Variants in CCNK observed in about 807,000 individuals in gnomAD.
The protein encoded by CCNK is cyclin-K.
A neutral mutation model predicts 65.0 loss-of-function variants in CCNK; 9 were observed. That is an observed-to-expected ratio of 0.14 (90% CI 0.08 to 0.24). The LOEUF (loss-of-function observed/expected upper bound fraction) is 0.24. Among genes scored for constraint, CCNK ranks in the 10% least tolerant of loss-of-function variants. The pLI, the probability that CCNK is intolerant of heterozygous loss-of-function variation, is 1.00. For synonymous variants in CCNK, 279 were observed against 270.8 expected, an observed-to-expected ratio of 1.03 and a Z score of -0.30; for missense variants, 474 against 720.0, an observed-to-expected ratio of 0.66 and a Z score of 3.91.
intron 1 of CCNK, among the ~76,000 whole-genome samples, chr14:99,481,786 G>A (rs968959579): frequency 6.6e-6 from 1 of 152,242 alleles, no homozygotes; most frequent in African/African-American, 2.4e-5. Flanking sequence ...AAAAGGGGCA[G>A]CGGTGTTAAC....
intron 4 of CCNK, among the ~76,000 whole-genome samples, chr14:99,499,673 G>A (rs1204736240): frequency 6.6e-6 from 1 of 152,150 alleles, no homozygotes; most frequent in Non-Finnish European, 1.5e-5. Flanking sequence ...CTGTACAGGG[G>A]CTGAGTTCAA....
Position 99,502,350 on chromosome 14 carries a change from A to C in CCNK, c.719A>C (p.Gln240Pro). 6.2e-7 allele frequency: 1 copy of C among 1,613,780 alleles called. No homozygotes were observed. Among genetic ancestry groups the C allele is most frequent in the Non-Finnish European group, 8.5e-7 (1 of 1,179,822 alleles). The change falls in exon 7 of 11, where the codon CAA becomes CCA. Residue 240 changes from glutamine to proline, a missense_variant. By Grantham distance (76) the Gln-to-Pro change is moderately conservative (BLOSUM62 -1). This residue lies in a region of CCNK where 67 missense variants were observed against 150.2 expected (regional missense o/e 0.45). Coordinates refer to ENST00000389879, the MANE Select transcript of CCNK (RefSeq NM_001099402.2). The part of the protein sequence containing the change: ...MYRRWWEQFV[Q>P]DVPVDVLEDI... ...AGGAGATGGTGGGAGCAGTTTGTTC[A>C]AGATGTCCCGGTCGACGTTTTGGAA... is the stretch of plus-strand genomic sequence containing the variant.
chr14:99,503,109 G>T (rs540966665), intron 8 of CCNK, 125 bp downstream of exon 8: 7 of 1,092,216 alleles, frequency 6.4e-6, no homozygotes, highest in Admixed American at 1.7e-5. Context: ...GCCGAAACTC[G>T]CAGTCCGACT....
At chr14:99,483,407 G>T (rs941721473) in intron 1 of CCNK, among the ~76,000 whole-genome samples, 1 of 152,098 alleles carries the variant, frequency 6.6e-6, no homozygotes, top group Non-Finnish European at 1.5e-5. Context: ...CAAAAAATTA[G>T]CCAGATGTGG....
At chr14:99,497,137 G>A (rs1896719818) in intron 4 of CCNK, among the ~76,000 whole-genome samples, 1 of 151,924 alleles carries the variant, frequency 6.6e-6, no homozygotes, top group African/African-American at 2.4e-5. Context: ...CATTCTCAGT[G>A]TTGTACATTC....
intron 3 of CCNK, chr14:99,494,513 TGAA>T (rs1303646946): frequency 2.0e-5 from 3 of 152,182 alleles, no homozygotes; most frequent in Non-Finnish European, 4.4e-5. Context: ...GTGAAGTTCT[TGAA>T]GAAGGAGACC....
At position 99,510,497 on chromosome 14, in the gene CCNK, T is replaced by C. The variant is rs1209927137; in HGVS notation, c.1458T>C (p.Pro486=). The change falls in exon 11 of 11, where the codon CCT becomes CCC. Residue 486 remains proline, a synonymous_variant. Transcript: ENST00000389879. ...HVYPPNPPPP[P]VPPPPASFPP... ...ACCCGCCCAACCCGCCCCCGCCACC[T>C]GTGCCTCCTCCCCCAGCCTCCTTCC... is the stretch of plus-strand genomic sequence containing the variant. The C allele has an allele frequency of 6.7e-6, 3 of 448,042 alleles. No individual in the cohort carries two copies. The highest frequency in any genetic ancestry group is 6.4e-5 in the South Asian group (3 of 46,534). 27.8% of individuals were successfully genotyped at this position (448,042 alleles called of 1,614,324 possible).
chr14:99,501,601 C>T (rs1896826603), intron 6 of CCNK, 188 bp downstream of exon 6: 1 of 574,946 alleles, frequency 1.7e-6, no homozygotes. Flanking sequence ...TTTCCTTCTG[C>T]CCTGCCGTGT....
intron 5 of CCNK, 147 bp from the exon 6 acceptor site, chr14:99,501,209 C>T: frequency 1.5e-6 from 1 of 647,636 alleles, no homozygotes; most frequent in South Asian, 1.8e-5. Context: ...GATGTGGACC[C>T]ACATCATTCA....
rs1336969336 is a variant in CCNK at position 99,510,311 on chromosome 14, C to G, written c.1272C>G (p.Pro424=). ...TGCCACACCGGCCCCCGCCCCCACCCCCCTCCAGCTACATGACCGGGATGT... is the reference window on the plus strand; with the variant it reads ...TGCCACACCGGCCCCCGCCCCCACCGCCCTCCAGCTACATGACCGGGATGT... ...PPLPHRPPPP[P]PSSYMTGMST... is the part of the protein sequence containing the mutation. Residue 424 remains proline (P), a synonymous_variant, in exon 11 of 11, where the codon CCC becomes CCG. Transcript: ENST00000389879. 1 of 1,561,928 alleles carries G rather than the reference C, an allele frequency of 6.4e-7. No homozygotes were observed. Among genetic ancestry groups the G allele is most frequent in the African/African-American group, 1.4e-5 (1 of 73,174 alleles).
intron 8 of CCNK, 160 bp downstream of exon 8, chr14:99,503,144 CA>C: frequency 1.2e-6 from 1 of 841,176 alleles, no homozygotes; most frequent in Non-Finnish European, 2.0e-6. Flanking sequence ...AGCCTGAAAA[CA>C]AAGGTGCTCC....
At chr14:99,495,017 A>C (rs999423510) in intron 3 of CCNK, 2 of 152,670 alleles carry the variant, frequency 1.3e-5, no homozygotes, top group Non-Finnish European at 2.9e-5. Context: ...TTAGGACATA[A>C]ACATTCAGAC....
intron 4 of CCNK, among the ~76,000 whole-genome samples, chr14:99,498,950 A>G (rs1398159844): frequency 1.3e-5 from 2 of 152,236 alleles, no homozygotes; most frequent in African/African-American, 4.8e-5. Flanking sequence ...CAATTGGTAC[A>G]CTTGGTAAAA....
intron 4 of CCNK, among the ~76,000 whole-genome samples, chr14:99,498,513 C>A (rs566715290): frequency 1.3e-5 from 2 of 152,256 alleles, no homozygotes; most frequent in South Asian, 4.1e-4. Flanking sequence ...AAAATAAGAT[C>A]ATGAGTCCCA....
At chr14:99,495,306 G>T in intron 3 of CCNK, 192 bp from the exon 4 acceptor site, 1 of 323,794 alleles carries the variant, frequency 3.1e-6, no homozygotes. Context: ...AATAATTTAT[G>T]AAGCTAGAGT....
intron 9 of CCNK, chr14:99,505,444 C>A (rs1896950235): frequency 6.6e-6 from 1 of 152,226 alleles, no homozygotes; most frequent in African/African-American, 2.4e-5. Context: ...CGTAAGACAT[C>A]TCATTAGTAA....
chr14:99,492,794 A>G lies in CCNK; in HGVS notation c.117A>G (p.Glu39=). The G allele has an allele frequency of 6.2e-7, 1 of 1,613,438 alleles. No homozygotes were observed. Among genetic ancestry groups the G allele is most frequent in the Non-Finnish European group, 8.5e-7 (1 of 1,179,728 alleles). The change falls in exon 2 of 11, where the codon GAA becomes GAG. Residue 39 remains glutamate, a synonymous_variant. Transcript: ENST00000389879. ...KDLAHTPSQL[E]GLDPATEARY... The stretch of plus-strand genomic sequence containing the variant: ...TGGCTCATACACCCTCACAACTTGA[A>G]GGACTTGATCCAGCCACCGAGGCCC...
chr14:99,487,688 A>G (rs1027786988), intron 1 of CCNK, among the ~76,000 whole-genome samples: 11 of 152,232 alleles, frequency 7.2e-5, no homozygotes, highest in African/African-American at 2.4e-4. Context: ...CTTTGGGAGG[A>G]TAGTCACTAG....
intron 7 of CCNK, 93 bp downstream of exon 7, chr14:99,502,469 A>C: frequency 6.7e-7 from 1 of 1,497,586 alleles, no homozygotes; most frequent in African/African-American, 1.4e-5. Context: ...ATTTTCCCAG[A>C]TAGACATATG....
Sources: allele counts gnomAD v4.1 joint callset (sites outside exome capture counted in the v4.1 genomes callset), GRCh38; gene constraint gnomAD v4.1.1; regional missense constraint gnomAD v4.1.1; transcripts MANE v1.5; gene names NCBI Gene and HGNC (gene_info 2026-07-23, HGNC 2026-07-21).